Variants in LOXL2 observed in about 807,000 individuals in gnomAD.
The protein encoded by LOXL2 is lysyl oxidase homolog 2.
LOXL2 carries 70 observed loss-of-function variants against 93.0 expected under a neutral mutation model. That is an observed-to-expected ratio of 0.75 (90% CI 0.62 to 0.92). The LOEUF (loss-of-function observed/expected upper bound fraction) is 0.92, where lower values mean the gene tolerates loss of function less well. Ranked by LOEUF, LOXL2 falls within the 40% of genes least tolerant of loss-of-function variation. The probability of loss-of-function intolerance (pLI) is 0.00; values close to 1 mark genes in which losing one functional copy is unlikely to be tolerated. For synonymous variants in LOXL2, 438 were observed against 413.2 expected (o/e 1.06, Z -0.73); for missense variants, 973 against 1,054.9 (o/e 0.92, Z 1.08).
At chr8:23,336,570 G>T (rs868159032) in intron 4 of LOXL2, 1 of 152,240 alleles carries the variant, frequency 6.6e-6, no homozygotes, top group Non-Finnish European at 1.5e-5. Flanking sequence ...GGAAGAACAC[G>T]GAGCTGGACT....
At chr8:23,357,112 C>T (rs1051480674) in intron 3 of LOXL2, among the ~76,000 whole-genome samples, 2 of 151,478 alleles carry the variant, frequency 1.3e-5, no homozygotes, top group African/African-American at 4.9e-5. Flanking sequence ...GTTGTTGGCT[C>T]AGGCTGGAGC....
At chr8:23,343,662 G>A (rs927244275) in intron 3 of LOXL2, among the ~76,000 whole-genome samples, 1 of 152,220 alleles carries the variant, frequency 6.6e-6, no homozygotes, top group East Asian at 1.9e-4. Flanking sequence ...ATGTGGGCCT[G>A]GAGTGATGGC....
chr8:23,379,768 G>A (rs1804650097), intron 1 of LOXL2, among the ~76,000 whole-genome samples: 1 of 152,212 alleles, frequency 6.6e-6, no homozygotes, highest in Non-Finnish European at 1.5e-5. Context: ...CTGGTGTGCT[G>A]TTTGCTAAGA....
chr8:23,312,081 G>A (rs113241169), intron 9 of LOXL2, among the ~76,000 whole-genome samples: 2 of 152,068 alleles, frequency 1.3e-5, no homozygotes, highest in African/African-American at 2.4e-5. Context: ...CACATACACC[G>A]TCCCAAGACT....
chr8:23,323,742 C>T (rs1315258905), intron 6 of LOXL2, among the ~76,000 whole-genome samples: 1 of 152,016 alleles, frequency 6.6e-6, no homozygotes, highest in Non-Finnish European at 1.5e-5. Context: ...TGCTCTGTTG[C>T]CCAGGCTGGA....
At position 23,320,035 on chromosome 8, in the gene LOXL2, G is replaced by A; in HGVS notation, c.1320C>T (p.Gly440=). The A allele has an allele frequency of 6.2e-7, 1 of 1,613,926 alleles. No individual in the cohort carries two copies. Among genetic ancestry groups the A allele is most frequent in the Non-Finnish European group, 8.5e-7 (1 of 1,179,900 alleles). The change falls in exon 8 of 14, where the codon GGC becomes GGT. Residue 440 remains glycine (G), a synonymous_variant. Coordinates refer to ENST00000389131, the MANE Select transcript of LOXL2 (RefSeq NM_002318.3). The part of the protein sequence containing the change: ...GLQKKLRLNG[G]RNPYEGRVEV... ...CCACTCGGCCCTCGTAGGGATTGCG[G>A]CCGCCGTTCAGGCGCAGCTGCAGAC...
In LOXL2 at chr8:23,298,040, T is replaced by A; in HGVS notation, c.*3A>T. On this transcript the variant is annotated 3_prime_UTR_variant, in exon 14 of 14. Coordinates refer to ENST00000389131, the MANE Select transcript of LOXL2 (RefSeq NM_002318.3). Reference sequence around the variant, plus strand: ...AAGACAGGAGTTGACCACGCAGGCTTCTTTACTGCGGGGACAGCTGGTTGT... The same window carrying A: ...AAGACAGGAGTTGACCACGCAGGCTACTTTACTGCGGGGACAGCTGGTTGT... 1.2e-6 allele frequency: 2 copies of A among 1,613,218 alleles called. No homozygotes were observed. The highest frequency in any genetic ancestry group is 1.7e-6 in the Non-Finnish European group (2 of 1,179,544).
chr8:23,354,120 G>A (rs1804143381), intron 3 of LOXL2, among the ~76,000 whole-genome samples: 1 of 152,210 alleles, frequency 6.6e-6, no homozygotes, highest in African/African-American at 2.4e-5. Context: ...TTCCAGAGTA[G>A]GATGAATTTG....
At chr8:23,331,000 G>A (rs776534198) in intron 5 of LOXL2, among the ~76,000 whole-genome samples, 13 of 152,262 alleles carry the variant, frequency 8.5e-5, no homozygotes, top group Non-Finnish European at 1.3e-4. Flanking sequence ...TGGTTGAGGA[G>A]GGCTGGGCTC....
intron 3 of LOXL2, among the ~76,000 whole-genome samples, chr8:23,351,449 C>A (rs1307353551): frequency 2.0e-5 from 3 of 152,232 alleles, no homozygotes; most frequent in Non-Finnish European, 4.4e-5. Context: ...CTCTCTTCTC[C>A]AAACTGCCAT....
At chr8:23,350,971 C>G (rs1356975326) in intron 3 of LOXL2, among the ~76,000 whole-genome samples, 1 of 152,138 alleles carries the variant, frequency 6.6e-6, no homozygotes, top group African/African-American at 2.4e-5. Flanking sequence ...CCTGACCACC[C>G]ACCACACAAC....
Position 23,297,719 on chromosome 8 carries a change from T to TGGTC in LOXL2, c.*323_*324insGACC. On this transcript the variant is annotated 3_prime_UTR_variant, in exon 14 of 14. Transcript: ENST00000389131. ...TCCACTGTGTCTGTGGTGAGCTCGG[T>TGGTC]GGCTTGAATGGGACAAGCTGATGAC... 1 of 263,240 alleles carries TGGTC rather than the reference T, an allele frequency of 3.8e-6. No homozygotes were observed. The highest frequency in any genetic ancestry group is 7.3e-6 in the Non-Finnish European group (1 of 137,528). The allele number at this position is 263,240 out of a possible 1,614,324, so 16.3% of individuals were successfully genotyped here.
intron 9 of LOXL2, among the ~76,000 whole-genome samples, chr8:23,312,085 C>T (rs915956500): frequency 1.3e-5 from 2 of 152,158 alleles, no homozygotes; most frequent in Non-Finnish European, 2.9e-5. Context: ...TACACCGTCC[C>T]AAGACTAAAC....
rs531569628 is a variant in LOXL2 at position 23,373,307 on chromosome 8, G to T, written c.-83-4873C>A. On this transcript the variant is annotated intron_variant, in intron 1 of 13. Coordinates refer to ENST00000389131, the MANE Select transcript of LOXL2 (RefSeq NM_002318.3). ...GTCTGAACTACCTGAGCCAGCGGAG[G>T]GGGGGCCTAACTTTGAATTCAGGAA... Among the ~76,000 whole-genome samples the T allele has an allele frequency of 1.8e-4, 27 of 152,204 alleles. No individual in the cohort carries two copies. The South Asian group carries it at 3.7e-3, about 21-fold the overall frequency.
chr8:23,339,336 C>A (rs921075608), intron 4 of LOXL2, among the ~76,000 whole-genome samples: 1 of 152,198 alleles, frequency 6.6e-6, no homozygotes, highest in Non-Finnish European at 1.5e-5. Flanking sequence ...CCACCACCCC[C>A]TCCTTGGATC....
In LOXL2 at chr8:23,296,987, TG is replaced by T. The variant is rs750929922; in HGVS notation, c.*1055del. 4.6e-5 allele frequency among the ~76,000 whole-genome samples: 7 copies of T among 152,200 alleles called. No individual in the cohort carries two copies. The highest frequency in any genetic ancestry group is 7.4e-5 in the Non-Finnish European group (5 of 68,026). On this transcript the variant is annotated 3_prime_UTR_variant, in exon 14 of 14. Coordinates refer to ENST00000389131, the MANE Select transcript of LOXL2 (RefSeq NM_002318.3). ...ATCTCCTTAGATTGCTTCTCCCAGA[TG>T]GTAGGAGCTGCCCCTTTTGGAGTCT...
chr8:23,396,800 T>C (rs561697222), intron 1 of LOXL2, among the ~76,000 whole-genome samples: 5 of 152,262 alleles, frequency 3.3e-5, no homozygotes, highest in Admixed American at 1.3e-4. Flanking sequence ...TGAAATCTCC[T>C]GCTTTGCCTT....
intron 3 of LOXL2, chr8:23,341,552 A>G (rs1392263735): frequency 2.7e-6 from 1 of 364,084 alleles, no homozygotes; most frequent in African/African-American, 2.1e-5. Context: ...CTCGAAATAA[A>G]TGCACAGGAG....
intron 3 of LOXL2, 97 bp downstream of exon 3, chr8:23,359,993 G>A (rs1347789715): frequency 6.8e-6 from 8 of 1,168,458 alleles, no homozygotes; most frequent in Admixed American, 1.9e-5. Flanking sequence ...CCTCCTTCCT[G>A]CTCACACACA....
Sources: gnomAD v4.1 joint callset for allele counts (sites outside exome capture counted in the v4.1 genomes callset) on GRCh38, gnomAD v4.1.1 for gene constraint, MANE v1.5 for transcripts, NCBI Gene and HGNC (gene_info 2026-07-23, HGNC 2026-07-21) for gene names.